Variants in TANC2 observed in about 807,000 individuals in gnomAD.
The protein encoded by TANC2 is protein TANC2.
In TANC2, 26 loss-of-function variants were observed where a neutral mutation model predicts 210.5. That is an observed-to-expected ratio of 0.12 (90% CI 0.09 to 0.17). TANC2 has a LOEUF of 0.17. Among genes scored for constraint, TANC2 ranks in the 10% least tolerant of loss-of-function variants. TANC2 has a pLI of 1.00. For synonymous variants in TANC2, 931 were observed against 967.1 expected (o/e 0.96, Z 0.69); for missense variants, 2,129 against 2,608.9 (o/e 0.82, Z 4.01).
intron 3 of TANC2, among the ~76,000 whole-genome samples, chr17:63,098,871 T>G (rs1476995910): frequency 6.6e-6 from 1 of 151,908 alleles, no homozygotes; most frequent in Non-Finnish European, 1.5e-5. Flanking sequence ...GAAAAAAAAG[T>G]AAGATCATTT....
chr17:63,098,431 T>TACACAC lies in TANC2; in HGVS notation c.140-700_140-695dup, dbSNP rs67245738. Among the ~76,000 whole-genome samples the TACACAC allele has an allele frequency of 6.8e-3, 635 of 93,270 alleles. 6 individuals carry two copies. Among genetic ancestry groups the TACACAC allele is most frequent in the Admixed American group, 9.5e-3 (88 of 9,274 alleles). 61.2% of individuals were successfully genotyped at this position (93,270 alleles called of 152,430 possible). On this transcript the variant is annotated intron_variant, in intron 3 of 27. Transcript: ENST00000689528. ...TTTCACCCCTTGGTGGGCCTTAGACTACACACACACACACACACACACACA... is the reference window on the plus strand; with the variant it reads ...TTTCACCCCTTGGTGGGCCTTAGACTACACACACACACACACACACACACACACACA...
chr17:63,141,660 G>C (rs2039298426), intron 4 of TANC2, among the ~76,000 whole-genome samples: 1 of 151,826 alleles, frequency 6.6e-6, no homozygotes, highest in Non-Finnish European at 1.5e-5. Context: ...CATTAGAACT[G>C]GGCTCTAGCA....
chr17:63,413,075 G>A (rs2048753655), intron 24 of TANC2: 1 of 244,572 alleles, frequency 4.1e-6, no homozygotes, highest in East Asian at 8.8e-5. Context: ...ATCATTTAAG[G>A]GAAACTTTAG....
Position 63,159,841 on chromosome 17 carries a change from T to TTAAA in TANC2, c.433+8462_433+8463insAAAT, listed in dbSNP as rs1340353114. Among the ~76,000 whole-genome samples the TTAAA allele has an allele frequency of 3.9e-5, 6 of 152,168 alleles. No individual in the cohort carries two copies. In the East Asian group the frequency reaches 1.2e-3, roughly 29 times the overall value. On this transcript the variant is annotated intron_variant, in intron 5 of 27. Transcript: ENST00000689528. ...TTGCAGATACTGAGAAAAGGCTGTATTTTATTCATCTGCTCAAGCTGCCAT... is the reference window on the plus strand; with the variant it reads ...TTGCAGATACTGAGAAAAGGCTGTATTAAATTTATTCATCTGCTCAAGCTGCCAT...
intron 9 of TANC2, among the ~76,000 whole-genome samples, chr17:63,279,155 G>T (rs1436537124): frequency 6.6e-6 from 1 of 152,122 alleles, no homozygotes; most frequent in African/African-American, 2.4e-5. Flanking sequence ...GCACTGAAAC[G>T]TGAAGGTGAG....
At chr17:63,101,298 G>A (rs1204211862) in intron 4 of TANC2, among the ~76,000 whole-genome samples, 1 of 152,164 alleles carries the variant, frequency 6.6e-6, no homozygotes, top group Non-Finnish European at 1.5e-5. Context: ...TCCAAAGAAT[G>A]GTTCTTTCTT....
chr17:63,333,490 G>A (rs529270304), intron 11 of TANC2, among the ~76,000 whole-genome samples: 1 of 152,298 alleles, frequency 6.6e-6, no homozygotes, highest in Non-Finnish European at 1.5e-5. Context: ...ATGTGGGGTT[G>A]CTTCCTATGG....
intron 2 of TANC2, 58 bp downstream of exon 2, chr17:63,009,684 G>A: frequency 6.8e-7 from 1 of 1,471,582 alleles, no homozygotes; most frequent in Non-Finnish European, 9.5e-7. Flanking sequence ...AGTTCTTTTA[G>A]GGTCCTGAAT....
chr17:63,285,539 C>T (rs2044194661), intron 9 of TANC2, among the ~76,000 whole-genome samples: 1 of 152,022 alleles, frequency 6.6e-6, no homozygotes, highest in African/African-American at 2.4e-5. Flanking sequence ...TCACAGGACT[C>T]AACATATAGT....
chr17:63,306,794 G>GT (rs1237269640), intron 9 of TANC2, among the ~76,000 whole-genome samples: 1 of 152,014 alleles, frequency 6.6e-6, no homozygotes, highest in Non-Finnish European at 1.5e-5. Context: ...TCTACACAAA[G>GT]TTTTTTAAAA....
intron 5 of TANC2, among the ~76,000 whole-genome samples, chr17:63,187,805 C>T (rs1437344383): frequency 6.6e-6 from 1 of 151,858 alleles, no homozygotes; most frequent in East Asian, 1.9e-4. Context: ...AAGATGACAG[C>T]ACACTTCTCT....
At chr17:62,980,251 T>C (rs772285323) in intron 1 of TANC2, among the ~76,000 whole-genome samples, 4 of 152,228 alleles carry the variant, frequency 2.6e-5, no homozygotes, top group Non-Finnish European at 4.4e-5. Context: ...GTTCTGTTTG[T>C]TTCTTATTGC....
rs550333584 is a variant in TANC2, at chr17:63,106,603, C to T, written c.322+7246C>T. On this transcript the variant is annotated intron_variant, in intron 4 of 27. Transcript: ENST00000689528. The stretch of plus-strand genomic sequence containing the variant: ...CGTGAGGACAAGGCCCACGCAAGAA[C>T]GTTGAAAAGAGGTATCAGAGGAACC... Among the ~76,000 whole-genome samples, 6 of 151,656 alleles carry T rather than the reference C, an allele frequency of 4.0e-5. No individual in the cohort carries two copies. In the South Asian group the frequency reaches 1.2e-3, roughly 31 times the overall value.
At position 63,215,479 on chromosome 17, in the gene TANC2, T is replaced by A. The variant is rs115152975; in HGVS notation, c.769+14522T>A. 5.5e-3 allele frequency among the ~76,000 whole-genome samples: 838 copies of A among 152,170 alleles called. 7 individuals carry two copies. Among genetic ancestry groups the A allele is most frequent in the African/African-American group, 0.018 (747 of 41,500 alleles). On this transcript the variant is annotated intron_variant, in intron 7 of 27. Transcript: ENST00000689528. The stretch of plus-strand genomic sequence containing the variant: ...AATGGTCACCAGAAAGACCAGGGAA[T>A]GACTACGGTTACACTTTTAGCCCCA...
At chr17:63,239,011 G>A (rs2042699339) in intron 8 of TANC2, among the ~76,000 whole-genome samples, 1 of 152,062 alleles carries the variant, frequency 6.6e-6, no homozygotes, top group Non-Finnish European at 1.5e-5. Flanking sequence ...TGGGGACACA[G>A]AGCCAAACCA....
chr17:63,267,852 C>T lies in TANC2; in HGVS notation c.1138C>T (p.Arg380Cys), dbSNP rs752840067. The change falls in exon 9 of 28, where the codon CGC becomes TGC. Residue 380 changes from arginine to cysteine, a missense_variant. Arg to Cys is a radical substitution (Grantham distance 180). Transcript: ENST00000689528. ...GCCAAGACAGAGCATGGGTGGTGCT[C>T]GCACACAGCAGGATTTAAGAGGTTA... 15 of 1,611,952 alleles carry T rather than the reference C, an allele frequency of 9.3e-6. No individual in the cohort carries two copies. The Admixed American group carries it at 1.2e-4, about 13-fold the overall frequency.
At chr17:63,309,517 TTAAAAC>T (rs2146549397) in intron 9 of TANC2, among the ~76,000 whole-genome samples, 1 of 152,174 alleles carries the variant, frequency 6.6e-6, no homozygotes, top group Admixed American at 6.6e-5. Flanking sequence ...AAATATGACA[TTAAAAC>T]TAAATCATTG....
chr17:63,205,887 G>A (rs995047294), intron 7 of TANC2, among the ~76,000 whole-genome samples: 3 of 152,066 alleles, frequency 2.0e-5, no homozygotes, highest in East Asian at 3.9e-4. Flanking sequence ...CAACCTGAGT[G>A]ACAGAGCAAG....
chr17:62,996,994 T>TTTTTTTTTTTTTTTTTTTTGAGACGG (rs2033144497), intron 1 of TANC2, among the ~76,000 whole-genome samples: 5 of 143,766 alleles, frequency 3.5e-5, no homozygotes, highest in Non-Finnish European at 6.0e-5. Context: ...TTTGTATTTT[T>TTTTTTTTTTTTTTTTTTTTGAGACGG]AGTATAGATG....
Sources: allele counts gnomAD v4.1 joint callset (sites outside exome capture counted in the v4.1 genomes callset), GRCh38; gene constraint gnomAD v4.1.1; transcripts MANE v1.5; gene names NCBI Gene and HGNC (gene_info 2026-07-23, HGNC 2026-07-21).